Variants in CFAP91 observed in about 807,000 individuals in gnomAD.
CFAP91 encodes cilia- and flagella-associated protein 91.
CFAP91 carries 85 observed loss-of-function variants against 95.9 expected under a neutral mutation model. That is an observed-to-expected ratio of 0.89 (90% confidence interval 0.74 to 1.06). The LOEUF (loss-of-function observed/expected upper bound fraction) is 1.06. Among genes scored for constraint, CFAP91 ranks in the 50% least tolerant of loss-of-function variants. The pLI is 0.00. For missense variants in CFAP91, 962 were observed against 943.4 expected, an observed-to-expected ratio of 1.02 and a Z score of -0.26; for synonymous variants, 335 against 327.5, an observed-to-expected ratio of 1.02 and a Z score of -0.25.
intron 8 of CFAP91, 148 bp downstream of exon 8, chr3:119,730,525 G>T: frequency 1.3e-6 from 1 of 760,594 alleles, no homozygotes; most frequent in Non-Finnish European, 2.1e-6. Context: ...TTTCTTAAAG[G>T]TAGAAGAATG....
At chr3:119,721,292 G>T (rs188130124) in intron 6 of CFAP91, among the ~76,000 whole-genome samples, 17 of 152,284 alleles carry the variant, frequency 1.1e-4, no homozygotes, top group Non-Finnish European at 1.0e-4. Context: ...GCTCATTTAT[G>T]ACATATACTC....
At chr3:119,755,689 T>C (rs1316776778) in intron 17 of CFAP91, among the ~76,000 whole-genome samples, 2 of 152,232 alleles carry the variant, frequency 1.3e-5, no homozygotes, top group Non-Finnish European at 2.9e-5. Flanking sequence ...CTATGGTATT[T>C]TGTTATGACA....
Position 119,712,971 on chromosome 3 carries a change from C to CAA in CFAP91, c.501-2580_501-2579dup, listed in dbSNP as rs200784810. Among the ~76,000 whole-genome samples the CAA allele has an allele frequency of 6.6e-3, 773 of 117,150 alleles. 12 individuals are homozygous for CAA. The highest frequency in any genetic ancestry group is 0.023 in the African/African-American group (718 of 31,164). The allele number at this position is 117,150 out of a possible 152,430, so 76.9% of individuals were successfully genotyped here. On this transcript the variant is annotated intron_variant, in intron 5 of 17. Transcript: ENST00000273390. ...CTCCATCTCAAAAAACAAAACAAGACAAAAAAAAAAAACAACTATTTAAAG... is the reference window on the plus strand; with the variant it reads ...CTCCATCTCAAAAAACAAAACAAGACAAAAAAAAAAAAAACAACTATTTAAAG...
At chr3:119,722,740 T>C (rs1424385408) in intron 6 of CFAP91, among the ~76,000 whole-genome samples, 3 of 152,106 alleles carry the variant, frequency 2.0e-5, no homozygotes, top group Non-Finnish European at 4.4e-5. Context: ...GAAATTCTCC[T>C]GTCTCGGCCT....
chr3:119,720,285 T>G (rs1343242728), intron 6 of CFAP91, among the ~76,000 whole-genome samples: 1 of 148,698 alleles, frequency 6.7e-6, no homozygotes, highest in Non-Finnish European at 1.5e-5. Flanking sequence ...TAGTCCCAGC[T>G]ACTCGGGAGG....
At chr3:119,748,905 T>G (rs764378785) in intron 16 of CFAP91, among the ~76,000 whole-genome samples, 7 of 152,192 alleles carry the variant, frequency 4.6e-5, no homozygotes, top group African/African-American at 9.7e-5. Context: ...ATTTTACATT[T>G]TGATAGATAG....
At chr3:119,753,917 C>T (rs1306482429) in intron 17 of CFAP91, among the ~76,000 whole-genome samples, 1 of 152,220 alleles carries the variant, frequency 6.6e-6, no homozygotes, top group African/African-American at 2.4e-5. Context: ...GGACTTCTAT[C>T]CTCCAGAACT....
intron 6 of CFAP91, among the ~76,000 whole-genome samples, chr3:119,716,519 C>G (rs2053577441): frequency 6.6e-6 from 1 of 152,226 alleles, no homozygotes; most frequent in South Asian, 2.1e-4. Flanking sequence ...AGAAGATGTT[C>G]ATATCTGGGC....
At chr3:119,703,299 C>T in intron 1 of CFAP91, 77 bp downstream of exon 1, 3 of 1,576,576 alleles carry the variant, frequency 1.9e-6, no homozygotes, top group Non-Finnish European at 2.6e-6. Flanking sequence ...GGGACCTGGC[C>T]AGGGGCATGG....
In CFAP91 at chr3:119,766,654, G is replaced by A. The variant is rs931382033; in HGVS notation, c.*1604G>A. 1.3e-4 allele frequency: 20 copies of A among 152,122 alleles called. No individual in the cohort carries two copies. The highest frequency in any genetic ancestry group is 3.9e-4 in the African/African-American group (16 of 41,434). 9.4% of individuals were successfully genotyped at this position (152,122 alleles called of 1,614,324 possible). A position where few individuals can be genotyped will look rare whatever the true frequency, so the allele number is the denominator to read the frequency against. ...AGATGGTAACTACATTAGGGTTTGC[G>A]GGTCTGATGGTCGCCATCATAACTG... On this transcript the variant is annotated 3_prime_UTR_variant, in exon 18 of 18. Transcript: ENST00000273390.
At chr3:119,745,176 TATC>T (rs1450303320) in intron 14 of CFAP91, among the ~76,000 whole-genome samples, 4 of 152,228 alleles carry the variant, frequency 2.6e-5, no homozygotes, top group African/African-American at 9.6e-5. Context: ...CAGATTCAAA[TATC>T]ATCCATATGT....
rs762095176 is a variant in CFAP91 at position 119,726,311 on chromosome 3, A to T, written c.823A>T (p.Arg275Trp). 6.2e-7 allele frequency: 1 copy of T among 1,613,696 alleles called. No homozygotes were observed. The change falls in exon 7 of 18, where the codon AGG becomes TGG. Residue 275 changes from arginine (R) to tryptophan (W), a missense_variant. Transcript: ENST00000273390. Reference protein sequence around the residue: ...KRRKMMNEMERKEWAFREQEI... With the variant: ...KRRKMMNEMEWKEWAFREQEI... Reference sequence around the variant, plus strand: ...GAGGAAAATGATGAATGAAATGGAGAGGAAGGAGTGGGCCTTCAGAGAGCA... The same window carrying T: ...GAGGAAAATGATGAATGAAATGGAGTGGAAGGAGTGGGCCTTCAGAGAGCA...
intron 7 of CFAP91, among the ~76,000 whole-genome samples, chr3:119,729,245 G>A (rs1409271253): frequency 2.6e-5 from 4 of 152,180 alleles, no homozygotes; most frequent in African/African-American, 4.8e-5. Flanking sequence ...GGAAGAAGGT[G>A]TAAGAGGGTC....
At chr3:119,735,770 C>A (rs1026660193) in intron 10 of CFAP91, among the ~76,000 whole-genome samples, 5 of 152,192 alleles carry the variant, frequency 3.3e-5, no homozygotes, top group Non-Finnish European at 7.3e-5. Flanking sequence ...TGTGATATTC[C>A]TGTCATTCAT....
chr3:119,717,104 G>A (rs2053590200), intron 6 of CFAP91, among the ~76,000 whole-genome samples: 1 of 152,246 alleles, frequency 6.6e-6, no homozygotes, highest in South Asian at 2.1e-4. Context: ...CTTTGGTGGT[G>A]AGTAGGAGCT....
intron 7 of CFAP91, among the ~76,000 whole-genome samples, chr3:119,728,486 C>G (rs768641097): frequency 1.3e-5 from 2 of 152,150 alleles, no homozygotes; most frequent in East Asian, 3.8e-4. Flanking sequence ...GAAGAGGGTA[C>G]TATTATTATC....
In CFAP91 at chr3:119,763,425, A is replaced by T. The variant is rs114633327; in HGVS notation, c.*2-1627A>T. 7.3e-3 allele frequency among the ~76,000 whole-genome samples: 1,106 copies of T among 152,148 alleles called. 7 individuals carry two copies. The highest frequency in any genetic ancestry group is 0.037 in the Middle Eastern group (11 of 294). Reference sequence around the variant, plus strand: ...ACATTATGGAGGTCCTCAAAAAATAAAAAATAGAACTACCATATGATCCAG... The same window carrying T: ...ACATTATGGAGGTCCTCAAAAAATATAAAATAGAACTACCATATGATCCAG... On this transcript the variant is annotated intron_variant, in intron 17 of 17. Coordinates refer to ENST00000273390, the MANE Select transcript of CFAP91 (RefSeq NM_033364.4).
At chr3:119,757,940 G>T (rs572242722) in intron 17 of CFAP91, among the ~76,000 whole-genome samples, 1 of 152,240 alleles carries the variant, frequency 6.6e-6, no homozygotes, top group South Asian at 2.1e-4. Context: ...AATATCTCTT[G>T]TTATTTAATG....
At chr3:119,737,527 T>C in intron 11 of CFAP91, 45 bp downstream of exon 11, 1 of 1,152,660 alleles carries the variant, frequency 8.7e-7, no homozygotes, top group Non-Finnish European at 1.3e-6. Flanking sequence ...TCAATATCAT[T>C]GTCAGCTTAT....
Sources: allele counts gnomAD v4.1 joint callset (sites outside exome capture counted in the v4.1 genomes callset), GRCh38; gene constraint gnomAD v4.1.1; transcripts MANE v1.5; gene names NCBI Gene and HGNC (gene_info 2026-07-23, HGNC 2026-07-21).